The following OXNAD1 variants were observed in gnomAD, a reference collection of about 807,000 sequenced individuals.
The protein encoded by OXNAD1 is oxidoreductase NAD binding domain containing 1.
Under a neutral mutation model 32.9 loss-of-function variants are expected in OXNAD1, and 34 were observed. That is an observed-to-expected ratio of 1.03 (90% CI 0.79 to 1.38). The LOEUF is 1.38. OXNAD1 is among the 40% of genes most tolerant of loss of function. OXNAD1 has a pLI of 0.00. For synonymous variants in OXNAD1, 134 were observed against 135.2 expected, an observed-to-expected ratio of 0.99 and a Z score of 0.06; for missense variants, 407 against 379.4, an observed-to-expected ratio of 1.07 and a Z score of -0.60.
chr3:16,277,653 A>G lies in OXNAD1; in HGVS notation c.183+5931A>G, dbSNP rs2065446744. ...GCTCCAGCTCAGAATTCCTAGCTAA[A>G]GGACTGTGTTGCTACTCTTGGAGTC... On this transcript the variant is annotated intron_variant, in intron 4 of 8. Transcript: ENST00000285083. The surrounding 1 kb of genome is among the most constrained non-coding windows in gnomAD (Gnocchi z 4.3). 6.6e-6 allele frequency among the ~76,000 whole-genome samples: 1 copy of G among 152,212 alleles called. No homozygotes were observed.
chr3:16,324,040 T>C (rs1009255819), intron 9 of OXNAD1, among the ~76,000 whole-genome samples: 2 of 152,122 alleles, frequency 1.3e-5, no homozygotes, highest in African/African-American at 4.8e-5. Flanking sequence ...GAATTCTCTC[T>C]TCCCAGGAAG....
intron 1 of OXNAD1, among the ~76,000 whole-genome samples, chr3:16,266,092 AGATCTGG>A (rs111521059): frequency 5.0e-4 from 76 of 152,362 alleles, no homozygotes; most frequent in African/African-American, 1.6e-3. Flanking sequence ...TTTCGAGAGA[AGATCTGG>A]GATCGGAATC....
In OXNAD1 at chr3:16,270,951, C is replaced by G. The variant is rs1188168065; in HGVS notation, c.-2C>G. On this transcript the variant is annotated 5_prime_UTR_variant, in exon 3 of 9. Transcript: ENST00000285083. Reference sequence around the variant, plus strand: ...CAGTTTTCTGTTTGCCCAGAAAGCGCCATGGCCTGTGCTGCTGTTATGATT... The same window carrying G: ...CAGTTTTCTGTTTGCCCAGAAAGCGGCATGGCCTGTGCTGCTGTTATGATT... The G allele has an allele frequency of 6.2e-7, 1 of 1,613,930 alleles. No individual in the cohort carries two copies. The highest frequency in any genetic ancestry group is 1.3e-5 in the African/African-American group (1 of 74,894).
Position 16,286,325 on chromosome 3 carries a change from T to TC in OXNAD1, c.184-16dup. The TC allele has an allele frequency of 6.3e-7, 1 of 1,598,050 alleles. No homozygotes were observed. The highest frequency in any genetic ancestry group is 2.2e-5 in the East Asian group (1 of 44,768). ...TGTACGCACTAACCTCAGCCACAGTTCATCTTTTGGTTTTAGATTGTGTCA... is the reference window on the plus strand; with the variant it reads ...TGTACGCACTAACCTCAGCCACAGTTCCATCTTTTGGTTTTAGATTGTGTCA... On this transcript the variant is annotated splice_polypyrimidine_tract_variant and intron_variant, in intron 4 of 8. Coordinates refer to ENST00000285083, the MANE Select transcript of OXNAD1 (RefSeq NM_138381.5).
Position 16,302,586 on chromosome 3 carries a change from A to G in OXNAD1, c.676-54A>G, listed in dbSNP as rs2067264612. ...AGGTTCAGCGTCAATGGTTGTGCAC[A>G]TCTGTTTTGATTTTTTAAAATTGTA... is the stretch of plus-strand genomic sequence containing the variant. On this transcript the variant is annotated intron_variant, in intron 7 of 8. Transcript: ENST00000285083. This position sits in a 1 kb window ranked among gnomAD's most constrained non-coding sequence, Gnocchi z 4.2. 1.6e-6 allele frequency: 2 copies of G among 1,228,658 alleles called. No homozygotes were observed. Among genetic ancestry groups the G allele is most frequent in the African/African-American group, 3.0e-5 (2 of 66,552 alleles). The allele number at this position is 1,228,658 out of a possible 1,614,324, so 76.1% of individuals were successfully genotyped here.
rs939507741 is a variant in OXNAD1, at chr3:16,327,219, G to A, written c.*31-9893G>A. 6.6e-6 allele frequency among the ~76,000 whole-genome samples: 1 copy of A among 152,182 alleles called. No individual in the cohort carries two copies. The highest frequency in any genetic ancestry group is 2.4e-5 in the African/African-American group (1 of 41,438). On this transcript the variant is annotated intron_variant, in intron 9 of 9. Coordinates refer to the OXNAD1 transcript ENST00000435829. The surrounding 1 kb of genome is among the most constrained non-coding windows in gnomAD (Gnocchi z 4.2). ...GTCTCACCTCTGAGCGGTATCCAGG[G>A]CATATAACTACACGTGCTGCTCTGA...
In OXNAD1 at chr3:16,290,400, C is replaced by CT. The variant is rs1292939759; in HGVS notation, c.290+3959dup. The stretch of plus-strand genomic sequence containing the variant: ...TTCTGTATTTTTTAATGAAGGAGTC[C>CT]TTTTTTTCCAAAGGTAGCTTTCCAG... On this transcript the variant is annotated intron_variant, in intron 5 of 8. Transcript: ENST00000285083. The surrounding 1 kb of genome is among the most constrained non-coding windows in gnomAD (Gnocchi z 4.2). Among the ~76,000 whole-genome samples, 1 of 151,992 alleles carries CT rather than the reference C, an allele frequency of 6.6e-6. No homozygotes were observed. Among genetic ancestry groups the CT allele is most frequent in the Non-Finnish European group, 1.5e-5 (1 of 67,994 alleles).
Position 16,317,140 on chromosome 3 carries a change from TTC to T in OXNAD1, c.*30+13550_*30+13551del, listed in dbSNP as rs753047680. The T allele has an allele frequency of 6.2e-7, 1 of 1,613,840 alleles. No homozygotes were observed. The highest frequency in any genetic ancestry group is 1.7e-5 in the Admixed American group (1 of 59,994). On this transcript the variant is annotated intron_variant, in intron 9 of 9. Coordinates refer to the OXNAD1 transcript ENST00000435829. This position sits in a 1 kb window ranked among gnomAD's most constrained non-coding sequence, Gnocchi z 4.3. ...GGTCTTCTAAGTTCTTCTCATTTTC[TTC>T]TGCTTGTTGTTTGTCTCTGGCACTG...
intron 1 of OXNAD1, among the ~76,000 whole-genome samples, chr3:16,267,967 A>T (rs1010720951): frequency 9.2e-5 from 14 of 152,218 alleles, no homozygotes; most frequent in African/African-American, 3.4e-4. Context: ...CACTTATTAT[A>T]CTTTTCTGCA....
chr3:16,287,107 G>C lies in OXNAD1; in HGVS notation c.290+659G>C, dbSNP rs1452473895. Among the ~76,000 whole-genome samples, 4 of 152,024 alleles carry C rather than the reference G, an allele frequency of 2.6e-5. No individual in the cohort carries two copies. The highest frequency in any genetic ancestry group is 4.4e-5 in the Non-Finnish European group (3 of 68,004). On this transcript the variant is annotated intron_variant, in intron 5 of 8. Coordinates refer to ENST00000285083, the MANE Select transcript of OXNAD1 (RefSeq NM_138381.5). This position sits in a 1 kb window ranked among gnomAD's most constrained non-coding sequence, Gnocchi z 4.8. ...ACTGGGTAACATTTCCTCCGAATGG[G>C]GCCTCCCTGAGCTTCAATTCAAGTT...
rs2069184024 is a variant in OXNAD1, at chr3:16,322,516, T to C, written c.*31-14596T>C. 6.6e-6 allele frequency among the ~76,000 whole-genome samples: 1 copy of C among 152,010 alleles called. No individual in the cohort carries two copies. The highest frequency in any genetic ancestry group is 1.5e-5 in the Non-Finnish European group (1 of 68,000). ...AGAATGTGGCCTCAGCCATCAAAGG[T>C]GCAGTGAGCTGAATCCAGGTGATGC... is the stretch of plus-strand genomic sequence containing the variant. On this transcript the variant is annotated intron_variant, in intron 9 of 9. Coordinates refer to the OXNAD1 transcript ENST00000435829. This position sits in a 1 kb window ranked among gnomAD's most constrained non-coding sequence, Gnocchi z 6.2.
downstream of OXNAD1, among the ~76,000 whole-genome samples, chr3:16,338,344 A>G (rs2071058208): frequency 6.6e-6 from 1 of 152,242 alleles, no homozygotes; most frequent in Admixed American, 6.5e-5. This position sits in a 1 kb window ranked among gnomAD's most constrained non-coding sequence, Gnocchi z 5.3. Flanking sequence ...GCGGCGGCTA[A>G]GGGGCGATGG....
downstream of OXNAD1, chr3:16,339,812 AG>A (rs1422248862): frequency 6.6e-6 from 1 of 152,226 alleles, no homozygotes; most frequent in African/African-American, 2.4e-5. Context: ...CAGGCACTTA[AG>A]GAAGTATTTG....
At chr3:16,286,143 G>A (rs2066054753) in intron 4 of OXNAD1, among the ~76,000 whole-genome samples, 199 bp from the exon 5 acceptor site, 1 of 152,152 alleles carries the variant, frequency 6.6e-6, no homozygotes, top group African/African-American at 2.4e-5. Context: ...ATGATAGCAA[G>A]TCTCTCAAAA....
Position 16,316,248 on chromosome 3 carries a change from A to G in OXNAD1, c.*30+12656A>G, listed in dbSNP as rs2068379453. ...ACTTCTTCATTTCCAGATTACCAGT[A>G]TCTATAGGACTATTTTGAGAAAAGC... On this transcript the variant is annotated intron_variant, in intron 9 of 9. Coordinates refer to the OXNAD1 transcript ENST00000435829. This position sits in a 1 kb window ranked among gnomAD's most constrained non-coding sequence, Gnocchi z 4.5. The G allele has an allele frequency of 6.5e-6, 1 of 155,024 alleles. No individual in the cohort carries two copies. The highest frequency in any genetic ancestry group is 2.0e-4 in the South Asian group (1 of 4,926). The allele number at this position is 155,024 out of a possible 1,614,324, so 9.6% of individuals were successfully genotyped here. A position where few individuals can be genotyped will look rare whatever the true frequency, so the allele number is the denominator to read the frequency against.
chr3:16,313,890 C>CTT (rs761150855), intron 9 of OXNAD1, among the ~76,000 whole-genome samples: 1 of 152,168 alleles, frequency 6.6e-6, no homozygotes, highest in Non-Finnish European at 1.5e-5. Context: ...ATGCACCTGC[C>CTT]TTTCTTTAAG....
rs2067223812 is a variant in OXNAD1 at position 16,302,078 on chromosome 3, A to C, written c.675+210A>C. Among the ~76,000 whole-genome samples the C allele has an allele frequency of 2.6e-5, 4 of 152,196 alleles. No individual in the cohort carries two copies. Among genetic ancestry groups the C allele is most frequent in the Admixed American group, 1.3e-4 (2 of 15,280 alleles). Reference sequence around the variant, plus strand: ...AAGAGGCTAGCAGTTAGGTGACAGGAAAGGGTAGGTTTTGGTGGGATGGAA... The same window carrying C: ...AAGAGGCTAGCAGTTAGGTGACAGGCAAGGGTAGGTTTTGGTGGGATGGAA... On this transcript the variant is annotated intron_variant, in intron 7 of 8. Coordinates refer to ENST00000285083, the MANE Select transcript of OXNAD1 (RefSeq NM_138381.5). This position sits in a 1 kb window ranked among gnomAD's most constrained non-coding sequence, Gnocchi z 4.2.
At chr3:16,294,284 C>A (rs904335030) in intron 5 of OXNAD1, among the ~76,000 whole-genome samples, 1 of 151,850 alleles carries the variant, frequency 6.6e-6, no homozygotes, top group East Asian at 1.9e-4. Context: ...CTCACTGCAA[C>A]ATCCACCTCC....
rs552731246 is a variant in OXNAD1, at chr3:16,296,733, A to G, written c.432+1736A>G. Among the ~76,000 whole-genome samples, 7 of 152,332 alleles carry G rather than the reference A, an allele frequency of 4.6e-5. No individual in the cohort carries two copies. The South Asian group carries it at 1.2e-3, about 27-fold the overall frequency. On this transcript the variant is annotated intron_variant, in intron 6 of 8. Transcript: ENST00000285083. ...TGGAAAAATTGAAAGGCAAAAGGATAAACTTTTCAACAAAAGTTCTGGAAC... is the reference window on the plus strand; with the variant it reads ...TGGAAAAATTGAAAGGCAAAAGGATGAACTTTTCAACAAAAGTTCTGGAAC...
Sources: gnomAD v4.1 joint callset for allele counts (sites outside exome capture counted in the v4.1 genomes callset) on GRCh38, gnomAD v4.1.1 for gene constraint, Gnocchi (gnomAD v3.1) non-coding constraint, MANE v1.5 for transcripts, NCBI Gene and HGNC (gene_info 2026-07-23, HGNC 2026-07-21) for gene names.